The following UBE2J2 variants were observed in gnomAD, a reference collection of about 807,000 sequenced individuals.
UBE2J2 encodes ubiquitin-conjugating enzyme E2 J2.
Under a neutral mutation model 28.6 loss-of-function variants are expected in UBE2J2, and 5 were observed. The ratio of observed to expected loss-of-function variants is 0.17; its 90% confidence interval spans 0.09 to 0.37. The LOEUF (loss-of-function observed/expected upper bound fraction) is 0.37. UBE2J2 is among the 10% of genes least tolerant of loss of function. UBE2J2 has a pLI of 1.00. For synonymous variants in UBE2J2, 138 were observed against 139.7 expected (o/e 0.99, Z 0.09); for missense variants, 226 against 338.9 (o/e 0.67, Z 2.62).
chr1:1,267,942 C>T lies in UBE2J2; in HGVS notation c.51G>A (p.Leu17=). ...KRAPTTATQR[L]KQDYLRIKKD... is the part of the protein sequence containing the mutation. ...TCTTAATGCGAAGGTAGTCCTGCTT[C>T]AGCCTCTGGGTTGCCGTGGTCGGAG... Residue 17 remains leucine (L), a synonymous_variant, in exon 2 of 7, where the codon CTG becomes CTA. Coordinates refer to ENST00000349431, the MANE Select transcript of UBE2J2 (RefSeq NM_058167.3). The T allele has an allele frequency of 6.2e-7, 1 of 1,614,114 alleles. No individual in the cohort carries two copies. Among genetic ancestry groups the T allele is most frequent in the Non-Finnish European group, 8.5e-7 (1 of 1,179,990 alleles).
rs1041431755 is a variant in UBE2J2, at chr1:1,268,691, A to G, written c.1-699T>C. On this transcript the variant is annotated intron_variant, in intron 1 of 6. Transcript: ENST00000349431. The surrounding 1 kb of genome is among the most constrained non-coding windows in gnomAD (Gnocchi z 4.7). Reference sequence around the variant, plus strand: ...GGCCAGGGAGGCAGGGCCAGGGCATAAGAGTTTATTTACTTATTTTTCGTG... The same window carrying G: ...GGCCAGGGAGGCAGGGCCAGGGCATGAGAGTTTATTTACTTATTTTTCGTG... Among the ~76,000 whole-genome samples the G allele has an allele frequency of 9.9e-5, 15 of 152,158 alleles. 1 individual carries two copies. The highest frequency in any genetic ancestry group is 6.2e-4 in the South Asian group (3 of 4,822).
In UBE2J2 at chr1:1,268,867, GGATCTC is replaced by G. The variant is rs1570579043; in HGVS notation, c.1-881_1-876del. On this transcript the variant is annotated intron_variant, in intron 1 of 6. Transcript: ENST00000349431. The surrounding 1 kb of genome is among the most constrained non-coding windows in gnomAD (Gnocchi z 4.7). The stretch of plus-strand genomic sequence containing the variant: ...TAATTTTTTTTTTTTTGTAGAGCTG[GGATCTC>G]ACTATGTTGCCCAAGGTGGTCTCAA... Among the ~76,000 whole-genome samples, 1 of 151,754 alleles carries G rather than the reference GGATCTC, an allele frequency of 6.6e-6. No individual in the cohort carries two copies. Among genetic ancestry groups the G allele is most frequent in the Non-Finnish European group, 1.5e-5 (1 of 67,938 alleles).
At chr1:1,258,957 AGGACTCCCT>A (rs1174148786) in intron 3 of UBE2J2, among the ~76,000 whole-genome samples, 4 of 152,238 alleles carry the variant, frequency 2.6e-5, no homozygotes, top group African/African-American at 9.6e-5. Flanking sequence ...TGCACAAGCC[AGGACTCCCT>A]GGCCACACCT....
chr1:1,256,245 G>A, intron 5 of UBE2J2, 120 bp from the exon 6 acceptor site: 1 of 695,706 alleles, frequency 1.4e-6, no homozygotes, highest in Non-Finnish European at 2.5e-6. Flanking sequence ...CATTTAATAA[G>A]CACACTCTTC....
rs1640286096 is a variant in UBE2J2 at position 1,273,686 on chromosome 1, G to A, written c.-21C>T. ...CTCACCTCTCCCTGTCGCTGCGCGTGGGCCGCCGCCGCGCTCAGGCTCGCC... is the reference window on the plus strand; with the variant it reads ...CTCACCTCTCCCTGTCGCTGCGCGTAGGCCGCCGCCGCGCTCAGGCTCGCC... On this transcript the variant is annotated 5_prime_UTR_variant, in exon 1 of 7. Coordinates refer to ENST00000349431, the MANE Select transcript of UBE2J2 (RefSeq NM_058167.3). 6.6e-6 allele frequency: 1 copy of A among 152,482 alleles called. No homozygotes were observed. The highest frequency in any genetic ancestry group is 1.8e-4 in the South Asian group (1 of 5,406). 9.4% of individuals were successfully genotyped at this position (152,482 alleles called of 1,614,324 possible).
intron 5 of UBE2J2, 68 bp from the exon 6 acceptor site, chr1:1,256,193 TG>T: frequency 8.0e-7 from 1 of 1,243,724 alleles, no homozygotes; most frequent in South Asian, 1.2e-5. Flanking sequence ...TAAAAACAGA[TG>T]ATTTCAAAGT....
At position 1,266,521 on chromosome 1, in the gene UBE2J2, G is replaced by A. The variant is rs1424020914; in HGVS notation, c.131+1341C>T. On this transcript the variant is annotated intron_variant, in intron 2 of 6. Coordinates refer to ENST00000349431, the MANE Select transcript of UBE2J2 (RefSeq NM_058167.3). ...AGCCTGGGCGACAGAGCAAGACTCTGTCTCAAAAAAATAAATAAGGCCGGG... is the reference window on the plus strand; with the variant it reads ...AGCCTGGGCGACAGAGCAAGACTCTATCTCAAAAAAATAAATAAGGCCGGG... Among the ~76,000 whole-genome samples, 3 of 151,208 alleles carry A rather than the reference G, an allele frequency of 2.0e-5. No homozygotes were observed. The East Asian group carries it at 5.9e-4, about 30-fold the overall frequency.
At chr1:1,270,468 G>A (rs775958181) in intron 1 of UBE2J2, among the ~76,000 whole-genome samples, 1 of 152,058 alleles carries the variant, frequency 6.6e-6, no homozygotes, top group Non-Finnish European at 1.5e-5. Context: ...CACCCAACGC[G>A]TGCTCCCAAA....
At chr1:1,262,303 G>A (rs1320343177) in intron 3 of UBE2J2, 5 of 455,756 alleles carry the variant, frequency 1.1e-5, no homozygotes, top group Admixed American at 9.4e-5. Context: ...CTGGTCATGG[G>A]CAATGACACG....
At chr1:1,266,903 T>C (rs1437362400) in intron 2 of UBE2J2, among the ~76,000 whole-genome samples, 2 of 152,126 alleles carry the variant, frequency 1.3e-5, no homozygotes, top group Admixed American at 6.5e-5. Flanking sequence ...TTTATTTTAT[T>C]TTGAGACAGA....
intron 2 of UBE2J2, chr1:1,264,851 T>C (rs1639755310): frequency 6.5e-6 from 1 of 153,918 alleles, no homozygotes; most frequent in African/African-American, 2.4e-5. Context: ...GAGGTTGCAG[T>C]GAGCCGAGGT....
In UBE2J2 at chr1:1,257,188, G is replaced by A. The variant is rs200525351; in HGVS notation, c.275+20C>T. On this transcript the variant is annotated intron_variant, in intron 4 of 6. Transcript: ENST00000349431. The stretch of plus-strand genomic sequence containing the variant: ...CCCACCGCAGCCAGAAAGCCTCCGC[G>A]GCCCCTCCAGGCACCTTACCTGGTG... 98 of 1,601,992 alleles carry A rather than the reference G, an allele frequency of 6.1e-5. No homozygotes were observed. Among genetic ancestry groups the A allele is most frequent in the Non-Finnish European group, 7.6e-5 (89 of 1,172,042 alleles).
chr1:1,264,517 AT>A (rs1335614264), intron 2 of UBE2J2, among the ~76,000 whole-genome samples: 1 of 152,164 alleles, frequency 6.6e-6, no homozygotes, highest in East Asian at 1.9e-4. Flanking sequence ...CATGCCCGTG[AT>A]CCCAGCACTC....
Position 1,255,084 on chromosome 1 carries a change from A to T in UBE2J2, c.*119T>A. On this transcript the variant is annotated 3_prime_UTR_variant, in exon 7 of 7. Coordinates refer to ENST00000349431, the MANE Select transcript of UBE2J2 (RefSeq NM_058167.3). The stretch of plus-strand genomic sequence containing the variant: ...TTTTTGCTTCCCCTTTCAGGTTTTT[A>T]AAAGCTAAACCTAGGAGCCTGGTGG... The T allele has an allele frequency of 8.4e-7, 1 of 1,196,320 alleles. No individual in the cohort carries two copies. The highest frequency in any genetic ancestry group is 1.1e-6 in the Non-Finnish European group (1 of 876,994). 74.1% of individuals were successfully genotyped at this position (1,196,320 alleles called of 1,614,324 possible).
chr1:1,256,741 C>A (rs1009014941), intron 5 of UBE2J2, among the ~76,000 whole-genome samples: 1 of 152,000 alleles, frequency 6.6e-6, no homozygotes, highest in Non-Finnish European at 1.5e-5. Context: ...AAAAAATTAG[C>A]CGGGCGTGGT....
chr1:1,266,169 GC>G, intron 2 of UBE2J2: 1 of 1,300,718 alleles, frequency 7.7e-7, no homozygotes, highest in South Asian at 1.2e-5. Flanking sequence ...TGGCCAAGGG[GC>G]TCCGCCTCAC....
intron 2 of UBE2J2, among the ~76,000 whole-genome samples, chr1:1,267,061 GTA>G (rs888906379): frequency 4.0e-5 from 6 of 151,790 alleles, no homozygotes; most frequent in African/African-American, 1.4e-4. Context: ...GCTAATATTT[GTA>G]TTTTTAGTAG....
At position 1,267,892 on chromosome 1, in the gene UBE2J2, G is replaced by A. The variant is rs756673043; in HGVS notation, c.101C>T (p.Ala34Val). Residue 34 changes from alanine to valine, a missense_variant, in exon 2 of 7, where the codon GCC (alanine) becomes GTC (valine). Ala to Val is a moderately conservative substitution (Grantham distance 64, BLOSUM62 0). Coordinates refer to ENST00000349431, the MANE Select transcript of UBE2J2 (RefSeq NM_058167.3). ...IKKDPVPYIC[A>V]EPLPSNILEW... ...GAGAATATTCGAAGGGAGGGGCTCGGCACAGATGTAAGGCACCGGGTCTTT... is the reference window on the plus strand; with the variant it reads ...GAGAATATTCGAAGGGAGGGGCTCGACACAGATGTAAGGCACCGGGTCTTT... The A allele has an allele frequency of 6.2e-7, 1 of 1,614,094 alleles. No homozygotes were observed. The highest frequency in any genetic ancestry group is 1.7e-5 in the Admixed American group (1 of 60,030).
chr1:1,261,759 G>A (rs1639575387), intron 3 of UBE2J2, among the ~76,000 whole-genome samples: 1 of 150,116 alleles, frequency 6.7e-6, no homozygotes, highest in Non-Finnish European at 1.5e-5. Context: ...CGATTCTCCT[G>A]CCTCAGCCTC....
Sources: allele counts gnomAD v4.1 joint callset (sites outside exome capture counted in the v4.1 genomes callset), GRCh38; gene constraint gnomAD v4.1.1; non-coding constraint Gnocchi (gnomAD v3.1); transcripts MANE v1.5; gene names NCBI Gene and HGNC (gene_info 2026-07-23, HGNC 2026-07-21).